RBM47: variants seen among roughly 807,000 people sequenced by gnomAD.
RBM47 encodes RNA binding motif protein 47.
RBM47 carries 21 observed loss-of-function variants against 47.1 expected under a neutral mutation model. The observed-to-expected ratio is 0.45, with a 90% CI of 0.32 to 0.64. RBM47 has a LOEUF of 0.64. RBM47 is among the 30% of genes least tolerant of loss of function. The probability of loss-of-function intolerance (pLI) is 0.05; values close to 1 mark genes in which losing one functional copy is unlikely to be tolerated. For synonymous variants in RBM47, 375 were observed against 361.7 expected, an observed-to-expected ratio of 1.04 and a Z score of -0.42; for missense variants, 708 against 870.9, an observed-to-expected ratio of 0.81 and a Z score of 2.35.
chr4:40,562,755 C>T (rs762759824), intron 1 of RBM47, among the ~76,000 whole-genome samples: 4 of 152,166 alleles, frequency 2.6e-5, no homozygotes, highest in African/African-American at 4.8e-5. Flanking sequence ...CGTGAGCCAC[C>T]GTGCCCAGCC....
At chr4:40,576,723 T>C (rs2154270103) in intron 1 of RBM47, among the ~76,000 whole-genome samples, 1 of 152,238 alleles carries the variant, frequency 6.6e-6, no homozygotes, top group Non-Finnish European at 1.5e-5. Context: ...AGGTGCAAGC[T>C]CAGCTCATTT....
chr4:40,542,265 C>T (rs1393482348), intron 2 of RBM47, among the ~76,000 whole-genome samples: 4 of 152,164 alleles, frequency 2.6e-5, no homozygotes, highest in African/African-American at 9.7e-5. Flanking sequence ...TTACAAGAGA[C>T]ACCTGTTCTC....
intron 2 of RBM47, among the ~76,000 whole-genome samples, chr4:40,535,383 T>C (rs1223111854): frequency 7.1e-6 from 1 of 140,622 alleles, no homozygotes; most frequent in African/African-American, 2.8e-5. Context: ...TTTTTTTTTT[T>C]TTTTTTTGAG....
intron 1 of RBM47, among the ~76,000 whole-genome samples, chr4:40,607,270 C>T (rs1188163749): frequency 6.6e-6 from 1 of 152,034 alleles, no homozygotes; most frequent in Non-Finnish European, 1.5e-5. Flanking sequence ...GGCCACATAT[C>T]GTATGGTTCT....
chr4:40,437,152 A>AT lies in RBM47; in HGVS notation c.1124-506_1124-505insA, dbSNP rs1560357673. On this transcript the variant is annotated intron_variant, in intron 4 of 6. Transcript: ENST00000295971. Reference sequence around the variant, plus strand: ...TATATAAAATACATATATATATATAAAATACATATATATATATATAATACA... The same window carrying AT: ...TATATAAAATACATATATATATATAATAATACATATATATATATATAATACA... Among the ~76,000 whole-genome samples the AT allele has an allele frequency of 1.2e-3, 97 of 79,164 alleles. 3 individuals carry two copies. Among genetic ancestry groups the AT allele is most frequent in the South Asian group, 5.3e-3 (14 of 2,654 alleles). The allele number at this position is 79,164 out of a possible 152,430, so 51.9% of individuals were successfully genotyped here. A position where few individuals can be genotyped will look rare whatever the true frequency, so the allele number is the denominator to read the frequency against.
At chr4:40,515,978 A>T (rs1725516653) in intron 2 of RBM47, 1 of 152,248 alleles carries the variant, frequency 6.6e-6, no homozygotes, top group Non-Finnish European at 1.5e-5. Flanking sequence ...CTGACTGACT[A>T]ATCTGTTAGG....
Position 40,569,158 on chromosome 4 carries a change from C to CAGGT in RBM47, c.-239-24656_-239-24653dup, listed in dbSNP as rs772261594. 1.3e-4 allele frequency among the ~76,000 whole-genome samples: 19 copies of CAGGT among 151,958 alleles called. 2 individuals carry two copies. Among genetic ancestry groups the CAGGT allele is most frequent in the Non-Finnish European group, 2.7e-4 (18 of 67,858 alleles). On this transcript the variant is annotated intron_variant, in intron 1 of 6. Transcript: ENST00000295971. ...GATCCAGCATACAGTCAAAGATAAC[C>CAGGT]AGGTGCATGAATACAACATGAGTGA...
At chr4:40,487,656 C>T (rs1360628798) in intron 2 of RBM47, among the ~76,000 whole-genome samples, 1 of 152,086 alleles carries the variant, frequency 6.6e-6, no homozygotes, top group Non-Finnish European at 1.5e-5. Context: ...TCACCTTTCA[C>T]GTCCTGGCAT....
At chr4:40,540,958 T>C (rs1342496308) in intron 2 of RBM47, among the ~76,000 whole-genome samples, 1 of 151,828 alleles carries the variant, frequency 6.6e-6, no homozygotes, top group Non-Finnish European at 1.5e-5. Flanking sequence ...ATAAAACAAA[T>C]AAACATCTCA....
chr4:40,617,655 T>G (rs533709164), intron 1 of RBM47, among the ~76,000 whole-genome samples: 102 of 151,244 alleles, frequency 6.7e-4, no homozygotes, highest in Non-Finnish European at 1.2e-3. Flanking sequence ...AATATATACA[T>G]GTACTTTATA....
At chr4:40,594,980 G>A (rs1008103841) in intron 1 of RBM47, among the ~76,000 whole-genome samples, 8 of 152,068 alleles carry the variant, frequency 5.3e-5, no homozygotes, top group East Asian at 1.9e-4. Context: ...AGATTGCCAC[G>A]CAATAGACAT....
Position 40,432,753 on chromosome 4 carries a change from A to G in RBM47, c.1440T>C (p.Ile480=), listed in dbSNP as rs537403964. The part of the protein sequence containing the change: ...IHTVEHMISP[I]AVQPDPASAA... Reference sequence around the variant, plus strand: ...CACTGGCTGGGTCTGGCTGCACAGCAATGGGGCTGATCATGTGCTCCACTG... The same window carrying G: ...CACTGGCTGGGTCTGGCTGCACAGCGATGGGGCTGATCATGTGCTCCACTG... The change falls in exon 6 of 7, where the codon ATT becomes ATC. Residue 480 remains isoleucine, a synonymous_variant. Transcript: ENST00000295971. 8.2e-5 allele frequency: 133 copies of G among 1,613,110 alleles called. No individual in the cohort carries two copies. The highest frequency in any genetic ancestry group is 1.1e-4 in the Non-Finnish European group (125 of 1,179,842).
At position 40,432,835 on chromosome 4, in the gene RBM47, T is replaced by C. The variant is rs1165713205; in HGVS notation, c.1358A>G (p.Tyr453Cys). The C allele has an allele frequency of 1.2e-6, 2 of 1,613,374 alleles. No individual in the cohort carries two copies. Among genetic ancestry groups the C allele is most frequent in the Admixed American group, 3.3e-5 (2 of 59,788 alleles). Residue 453 changes from tyrosine to cysteine, a missense_variant, in exon 6 of 7, where the codon TAT becomes TGT. Coordinates refer to ENST00000295971, the MANE Select transcript of RBM47 (RefSeq NM_001098634.2). ...GGCTGGAGCTGCTGGAAACATGGAA[T>C]ACTGAGCCCCAATGGCAGGGATGGC... ...TVAIPAIGAQ[Y>C]SMFPAAPAPK...
chr4:40,561,516 G>A (rs1730620055), intron 1 of RBM47, among the ~76,000 whole-genome samples: 1 of 150,168 alleles, frequency 6.7e-6, no homozygotes, highest in African/African-American at 2.5e-5. Flanking sequence ...AAGCCACTGT[G>A]CCCAACTTCT....
At chr4:40,499,766 C>T (rs1723097216) in intron 2 of RBM47, among the ~76,000 whole-genome samples, 1 of 152,306 alleles carries the variant, frequency 6.6e-6, no homozygotes, top group East Asian at 1.9e-4. Context: ...TAGATAAACA[C>T]AGGTCACAAT....
At chr4:40,529,560 A>C (rs1398367802) in intron 2 of RBM47, among the ~76,000 whole-genome samples, 3 of 136,874 alleles carry the variant, frequency 2.2e-5, no homozygotes, top group Non-Finnish European at 4.6e-5. Context: ...AAGGCGGGGC[A>C]TGGTGGCTCA....
chr4:40,552,328 G>T (rs982226569), intron 1 of RBM47, among the ~76,000 whole-genome samples: 3 of 152,046 alleles, frequency 2.0e-5, no homozygotes, highest in African/African-American at 7.2e-5. Context: ...AACCTGGGAG[G>T]TGGAGGTTGC....
intron 2 of RBM47, among the ~76,000 whole-genome samples, chr4:40,505,542 G>A (rs907243162): frequency 6.6e-6 from 1 of 151,114 alleles, no homozygotes; most frequent in Admixed American, 6.6e-5. Flanking sequence ...AGCATTCCCT[G>A]GTATTTAATT....
intron 1 of RBM47, among the ~76,000 whole-genome samples, chr4:40,603,233 C>T (rs530913890): frequency 6.6e-6 from 1 of 152,298 alleles, no homozygotes; most frequent in South Asian, 2.1e-4. Context: ...TAGCTTCTTT[C>T]ACTGAACATG....
Sources: allele counts gnomAD v4.1 joint callset (sites outside exome capture counted in the v4.1 genomes callset), GRCh38; gene constraint gnomAD v4.1.1; transcripts MANE v1.5; gene names NCBI Gene and HGNC (gene_info 2026-07-23, HGNC 2026-07-21).